RIN3: variants seen among roughly 807,000 people sequenced by gnomAD.
RIN3 encodes the protein Ras and Rab interactor 3.
A neutral mutation model predicts 76.3 loss-of-function variants in RIN3; 54 were observed. The ratio of observed to expected loss-of-function variants is 0.71; its 90% CI spans 0.57 to 0.89. RIN3 has a LOEUF of 0.89. Among genes scored for constraint, RIN3 ranks in the 40% least tolerant of loss-of-function variants. RIN3 has a pLI of 0.00. For missense variants in RIN3, 1,256 were observed against 1,322.1 expected (o/e 0.95, Z 0.78); for synonymous variants, 576 against 564.0 (o/e 1.02, Z -0.30).
chr14:92,652,459 G>A lies in RIN3; in HGVS notation c.1410G>A (p.Leu470=). ...PPRKKRISRQ[L]ASTLPAPLEN... Reference sequence around the variant, plus strand: ...GGAAAAAACGGATCTCTCGACAACTGGCCTCGACCCTCCCAGCTCCCTTAG... The same window carrying A: ...GGAAAAAACGGATCTCTCGACAACTAGCCTCGACCCTCCCAGCTCCCTTAG... The change falls in exon 6 of 10, where the codon CTG becomes CTA. Residue 470 remains leucine, a synonymous_variant. Transcript: ENST00000216487. The surrounding 1 kb of genome is among the most constrained non-coding windows in gnomAD (Gnocchi z 6.4). 6.2e-7 allele frequency: 1 copy of A among 1,613,824 alleles called. No homozygotes were observed. The highest frequency in any genetic ancestry group is 8.5e-7 in the Non-Finnish European group (1 of 1,179,950).
In RIN3 at chr14:92,546,999, A is replaced by T. The variant is rs1042740621; in HGVS notation, c.45-8752A>T. On this transcript the variant is annotated intron_variant, in intron 1 of 9. Coordinates refer to ENST00000216487, the MANE Select transcript of RIN3 (RefSeq NM_024832.5). ...TTAAAATTATTTTTATTTTATTATT[A>T]TTATTTTATTTTATTATTAATATAA... 7.4e-4 allele frequency among the ~76,000 whole-genome samples: 64 copies of T among 86,274 alleles called. 1 individual carries two copies. The highest frequency in any genetic ancestry group is 2.4e-3 in the African/African-American group (63 of 26,514). The allele number at this position is 86,274 out of a possible 152,430, so 56.6% of individuals were successfully genotyped here.
chr14:92,626,730 G>C (rs1021999183), intron 4 of RIN3, among the ~76,000 whole-genome samples: 2 of 152,162 alleles, frequency 1.3e-5, no homozygotes, highest in Non-Finnish European at 2.9e-5. Context: ...GCTGCCTGTG[G>C]AGGGGACAGG....
At chr14:92,627,904 G>T (rs922814143) in intron 4 of RIN3, among the ~76,000 whole-genome samples, 3 of 152,216 alleles carry the variant, frequency 2.0e-5, no homozygotes, top group African/African-American at 7.2e-5. Context: ...ATAGAAGGGC[G>T]CTTCCTGCAT....
intron 3 of RIN3, among the ~76,000 whole-genome samples, chr14:92,582,074 G>T (rs1884565092): frequency 1.3e-5 from 2 of 152,314 alleles, no homozygotes; most frequent in South Asian, 4.1e-4. Context: ...AACCAGTGAA[G>T]CAGGATTCTT....
At position 92,651,598 on chromosome 14, in the gene RIN3, G is replaced by C. The variant is rs375750488; in HGVS notation, c.549G>C (p.Ser183=). The part of the protein sequence containing the change: ...ANLGLGFWDS[S]LNPPQERGKP... The stretch of plus-strand genomic sequence containing the variant: ...CTTCCACAGGTTTCTGGGACTCCTC[G>C]CTGAATCCTCCACAAGAAAGAGGGA... The change falls in exon 6 of 10, where the codon TCG becomes TCC. Residue 183 remains serine (S), a synonymous_variant. Coordinates refer to ENST00000216487, the MANE Select transcript of RIN3 (RefSeq NM_024832.5). The C allele has an allele frequency of 1.3e-6, 2 of 1,581,916 alleles. No individual in the cohort carries two copies. The highest frequency in any genetic ancestry group is 2.3e-5 in the East Asian group (1 of 43,062).
At chr14:92,593,659 G>GTGCA (rs1307660109) in intron 3 of RIN3, among the ~76,000 whole-genome samples, 4 of 152,110 alleles carry the variant, frequency 2.6e-5, no homozygotes, top group Non-Finnish European at 5.9e-5. Flanking sequence ...CCTGCACGTT[G>GTGCA]TGCACATGTA....
chr14:92,657,491 C>G (rs1389792859), intron 6 of RIN3, among the ~76,000 whole-genome samples: 1 of 152,196 alleles, frequency 6.6e-6, no homozygotes, highest in African/African-American at 2.4e-5. Context: ...CTGAGGGCCC[C>G]AGACCAGAGA....
Position 92,659,427 on chromosome 14 carries a change from A to C in RIN3, c.2293A>C (p.Thr765Pro). The change falls in exon 7 of 10, where the codon ACC (threonine) becomes CCC (proline). Residue 765 changes from threonine (T) to proline (P), a missense_variant. By Grantham distance (38) the Thr-to-Pro change is conservative (BLOSUM62 -1). Coordinates refer to ENST00000216487, the MANE Select transcript of RIN3 (RefSeq NM_024832.5). ...GAAGAAGATCTCCATCCTGCTCAAG[A>C]CCTGCAAACTCATCTACGACTCCAT... ...PEKKISILLK[T>P]CKLIYDSMAL... The C allele has an allele frequency of 6.2e-7, 1 of 1,612,858 alleles. No individual in the cohort carries two copies. Among genetic ancestry groups the C allele is most frequent in the Non-Finnish European group, 8.5e-7 (1 of 1,179,316 alleles).
chr14:92,603,613 A>G (rs1885421239), intron 3 of RIN3, among the ~76,000 whole-genome samples: 1 of 152,208 alleles, frequency 6.6e-6, no homozygotes, highest in Non-Finnish European at 1.5e-5. Flanking sequence ...GCCTGGAGCA[A>G]AAACAAGAGC....
At chr14:92,539,323 G>A (rs1031268825) in intron 1 of RIN3, among the ~76,000 whole-genome samples, 5 of 152,156 alleles carry the variant, frequency 3.3e-5, no homozygotes, top group Admixed American at 2.6e-4. Flanking sequence ...ATAAATGGTG[G>A]ATACTAACAT....
At chr14:92,613,266 A>G (rs1028382780) in intron 3 of RIN3, among the ~76,000 whole-genome samples, 19 of 152,114 alleles carry the variant, frequency 1.2e-4, no homozygotes, top group Non-Finnish European at 1.0e-4. Flanking sequence ...GGAGTCGGCA[A>G]TGCACCAGAT....
intron 2 of RIN3, among the ~76,000 whole-genome samples, chr14:92,572,778 C>A (rs1898098986): frequency 6.6e-6 from 1 of 151,924 alleles, no homozygotes; most frequent in African/African-American, 2.4e-5. Flanking sequence ...AAAGCAGTAT[C>A]CAGCCAGGTC....
At position 92,546,667 on chromosome 14, in the gene RIN3, A is replaced by G. The variant is rs1481528471; in HGVS notation, c.45-9084A>G. Among the ~76,000 whole-genome samples the G allele has an allele frequency of 3.9e-5, 6 of 152,242 alleles. No homozygotes were observed. The South Asian group carries it at 1.0e-3, about 26-fold the overall frequency. On this transcript the variant is annotated intron_variant, in intron 1 of 9. Transcript: ENST00000216487. ...CATTTCTTCTCTTTTAAATTTTGAT[A>G]GATTGTTATGATAGTGGGCGTAACT...
chr14:92,590,032 C>G (rs1197091658), intron 3 of RIN3, among the ~76,000 whole-genome samples: 2 of 152,214 alleles, frequency 1.3e-5, no homozygotes, highest in African/African-American at 4.8e-5. Context: ...CAGTGCTGAG[C>G]TAGGGAAACC....
intron 3 of RIN3, among the ~76,000 whole-genome samples, chr14:92,578,415 C>T (rs1051302057): frequency 5.9e-5 from 9 of 151,954 alleles, no homozygotes; most frequent in Non-Finnish European, 2.9e-5. Flanking sequence ...GCTGGGCACC[C>T]ATCTGTGCCA....
intron 4 of RIN3, 151 bp from the exon 5 acceptor site, chr14:92,641,087 G>A: frequency 4.7e-6 from 3 of 636,928 alleles, no homozygotes; most frequent in Non-Finnish European, 8.5e-6. Context: ...TGCTCCTTCT[G>A]CCTCAGAGTC....
At chr14:92,533,429 A>G (rs1160865609) in intron 1 of RIN3, among the ~76,000 whole-genome samples, 3 of 152,240 alleles carry the variant, frequency 2.0e-5, no homozygotes, top group African/African-American at 2.4e-5. Context: ...TATGGCAGCA[A>G]AATTCACAAT....
chr14:92,528,910 T>C (rs1238450195), intron 1 of RIN3, among the ~76,000 whole-genome samples: 5 of 152,108 alleles, frequency 3.3e-5, no homozygotes, highest in Admixed American at 3.3e-4. Context: ...AGTAGCCCCT[T>C]TTCCTCCAAA....
chr14:92,637,700 G>T (rs1312678257), intron 4 of RIN3, among the ~76,000 whole-genome samples: 2 of 152,052 alleles, frequency 1.3e-5, no homozygotes, highest in Non-Finnish European at 2.9e-5. Context: ...TTGCTTCAAG[G>T]GTTAAGTGGG....
Sources: allele counts gnomAD v4.1 joint callset (sites outside exome capture counted in the v4.1 genomes callset), GRCh38; gene constraint gnomAD v4.1.1; non-coding constraint Gnocchi (gnomAD v3.1); transcripts MANE v1.5; gene names NCBI Gene and HGNC (gene_info 2026-07-23, HGNC 2026-07-21).